The following RBFOX1 variants were observed in gnomAD, a reference collection of about 807,000 sequenced individuals.
The protein encoded by RBFOX1 is RNA binding protein fox-1 homolog 1.
Under a neutral mutation model 57.7 loss-of-function variants are expected in RBFOX1, and 8 were observed. The ratio of observed to expected loss-of-function variants is 0.14; its 90% CI spans 0.08 to 0.25. RBFOX1 has a LOEUF of 0.25. Among genes scored for constraint, RBFOX1 ranks in the 10% least tolerant of loss-of-function variants. The pLI, the probability that RBFOX1 is intolerant of heterozygous loss-of-function variation, is 1.00. For synonymous variants in RBFOX1, 326 were observed against 222.4 expected, an observed-to-expected ratio of 1.47 and a Z score of -4.15; for missense variants, 611 against 548.5, an observed-to-expected ratio of 1.11 and a Z score of -1.14.
chr16:5,288,959 T>C (rs926160527), intron 1 of RBFOX1, among the ~76,000 whole-genome samples: 2 of 151,928 alleles, frequency 1.3e-5, no homozygotes, highest in African/African-American at 4.8e-5. Flanking sequence ...ACCCTGTCTA[T>C]ACTAAAATAA....
chr16:6,415,103 C>T (rs802322), intron 2 of RBFOX1, among the ~76,000 whole-genome samples: 1 of 151,268 alleles, frequency 6.6e-6, no homozygotes, highest in Non-Finnish European at 1.5e-5. Context: ...ATTAGCTGGG[C>T]GTGGTGGCAT....
In RBFOX1 at chr16:7,518,375, T is replaced by G. The variant is rs1382475017; in HGVS notation, c.256T>G (p.Ser86Ala). Residue 86 changes from serine to alanine, a missense_variant, in exon 5 of 16, where the codon TCT becomes GCT. This residue lies in a region of RBFOX1 where 245 missense variants were observed against 159.1 expected (regional missense o/e 1.54). Coordinates refer to ENST00000550418, the MANE Select transcript of RBFOX1 (RefSeq NM_018723.4). The part of the protein sequence containing the change: ...SPADTSAQTV[S>A]GTATQTDDAA... ...GGCGGACACGAGCGCTCAGACCGTC[T>G]CTGGCACCGCCACAGTAAGTGGACG... 2 of 1,609,588 alleles carry G rather than the reference T, an allele frequency of 1.2e-6. No homozygotes were observed. The highest frequency in any genetic ancestry group is 1.1e-5 in the South Asian group (1 of 90,726).
intron 4 of RBFOX1, among the ~76,000 whole-genome samples, chr16:7,486,117 C>CTTTTTTTTT (rs61448458): frequency 6.5e-5 from 5 of 77,302 alleles, no homozygotes; most frequent in Non-Finnish European, 1.2e-4. Flanking sequence ...GTGTTTGTGT[C>CTTTTTTTTT]TTTTTTTTTT....
chr16:7,449,541 T>A (rs2098834727), intron 4 of RBFOX1, among the ~76,000 whole-genome samples: 1 of 152,008 alleles, frequency 6.6e-6, no homozygotes, highest in Non-Finnish European at 1.5e-5. Flanking sequence ...GTTTTGTAAT[T>A]TTGCATTGTT....
intron 1 of RBFOX1, among the ~76,000 whole-genome samples, chr16:5,457,465 C>G (rs1319834655): frequency 1.3e-5 from 2 of 152,142 alleles, no homozygotes; most frequent in Admixed American, 6.5e-5. Flanking sequence ...AGCACTAATC[C>G]CATTCATTAG....
chr16:7,682,707 G>C (rs1357906477), intron 14 of RBFOX1, among the ~76,000 whole-genome samples: 2 of 151,576 alleles, frequency 1.3e-5, no homozygotes, highest in Non-Finnish European at 1.5e-5. Flanking sequence ...CCTGTGTCTA[G>C]AAAAGCACGT....
intron 1 of RBFOX1, among the ~76,000 whole-genome samples, chr16:6,297,124 A>G (rs1037539175): frequency 6.6e-6 from 1 of 152,142 alleles, no homozygotes; most frequent in African/African-American, 2.4e-5. Flanking sequence ...TGTAGCGGTG[A>G]GGACCACCAG....
chr16:5,806,843 G>T (rs1035218152), intron 3 of RBFOX1, among the ~76,000 whole-genome samples: 1 of 152,198 alleles, frequency 6.6e-6, no homozygotes, highest in East Asian at 1.9e-4. Context: ...GTCGTCAGGG[G>T]CTCTTCTTAT....
At chr16:7,695,947 A>C (rs1360877521) in intron 14 of RBFOX1, among the ~76,000 whole-genome samples, 2 of 152,200 alleles carry the variant, frequency 1.3e-5, no homozygotes, top group African/African-American at 2.4e-5. Context: ...AAGCATAGGC[A>C]GCCATCAGGG....
chr16:7,637,449 G>A (rs929946906), intron 11 of RBFOX1, among the ~76,000 whole-genome samples: 7 of 152,132 alleles, frequency 4.6e-5, no homozygotes, highest in African/African-American at 1.4e-4. Context: ...TAATTGTGTG[G>A]AATTCATAAA....
chr16:7,254,015 G>C (rs555264042), intron 4 of RBFOX1, among the ~76,000 whole-genome samples: 149 of 152,264 alleles, frequency 9.8e-4, no homozygotes, highest in African/African-American at 3.5e-3. Flanking sequence ...AGCAGGGATG[G>C]AAAGTGTAAA....
chr16:5,412,750 C>G (rs1431751870), intron 1 of RBFOX1, among the ~76,000 whole-genome samples: 2 of 152,336 alleles, frequency 1.3e-5, no homozygotes, highest in Non-Finnish European at 1.5e-5. Flanking sequence ...GGAAAAAAAT[C>G]AAGCACAGGG....
intron 1 of RBFOX1, among the ~76,000 whole-genome samples, chr16:6,135,963 T>G (rs1418765971): frequency 6.6e-6 from 1 of 151,608 alleles, no homozygotes; most frequent in Non-Finnish European, 1.5e-5. Context: ...CCCAGCTAAT[T>G]TTTGTATTTT....
At chr16:7,558,345 C>G (rs1296868945) in intron 5 of RBFOX1, among the ~76,000 whole-genome samples, 1 of 151,956 alleles carries the variant, frequency 6.6e-6, no homozygotes, top group South Asian at 2.1e-4. Flanking sequence ...CAAAGTGAGG[C>G]TCTGTCTCAA....
At chr16:6,458,152 G>C (rs1199259698) in intron 2 of RBFOX1, among the ~76,000 whole-genome samples, 1 of 152,210 alleles carries the variant, frequency 6.6e-6, no homozygotes, top group African/African-American at 2.4e-5. Flanking sequence ...CAGTAACTGT[G>C]TGCAAACACG....
chr16:7,648,283 G>A (rs181559884), intron 11 of RBFOX1, among the ~76,000 whole-genome samples: 18 of 152,226 alleles, frequency 1.2e-4, no homozygotes, highest in Non-Finnish European at 2.1e-4. Context: ...GCATTGGCGC[G>A]ATTTCTGCTC....
At chr16:7,281,645 G>C (rs1008002703) in intron 4 of RBFOX1, among the ~76,000 whole-genome samples, 1 of 152,054 alleles carries the variant, frequency 6.6e-6, no homozygotes, top group African/African-American at 2.4e-5. Flanking sequence ...TTCTAGTCTA[G>C]ATGAGAAGAC....
At chr16:6,893,983 C>A (rs1008855572) in intron 3 of RBFOX1, among the ~76,000 whole-genome samples, 1 of 152,100 alleles carries the variant, frequency 6.6e-6, no homozygotes, top group Admixed American at 6.6e-5. Flanking sequence ...CTTCTAATAT[C>A]CCAAAGACAG....
Position 6,676,087 on chromosome 16 carries a change from G to T in RBFOX1, c.-16+21437G>T, listed in dbSNP as rs371521522. 5.3e-5 allele frequency among the ~76,000 whole-genome samples: 8 copies of T among 151,906 alleles called. No homozygotes were observed. In the East Asian group the frequency reaches 9.7e-4, roughly 18 times the overall value. ...TCAACATAGGGGTTTGGGGTTGGGG[G>T]TGTTATTATCAGAAGTAGGTAGAAG... On this transcript the variant is annotated intron_variant, in intron 3 of 15. Transcript: ENST00000550418.
Sources: allele counts gnomAD v4.1 joint callset (sites outside exome capture counted in the v4.1 genomes callset), GRCh38; gene constraint gnomAD v4.1.1; regional missense constraint gnomAD v4.1.1; transcripts MANE v1.5; gene names NCBI Gene and HGNC (gene_info 2026-07-23, HGNC 2026-07-21).